The following TTC7A variants were observed in gnomAD, a reference collection of about 807,000 sequenced individuals.
TTC7A encodes the protein tetratricopeptide repeat domain 7A.
Under a neutral mutation model 103.7 loss-of-function variants are expected in TTC7A, and 110 were observed. That is an observed-to-expected ratio of 1.06 (90% CI 0.91 to 1.24). TTC7A has a LOEUF of 1.24. TTC7A is among the 50% of genes most tolerant of loss of function. The probability of loss-of-function intolerance (pLI) is 0.00; values close to 1 mark genes in which losing one functional copy is unlikely to be tolerated. For missense variants in TTC7A, 1,340 were observed against 1,116.3 expected (o/e 1.20, Z -2.86); for synonymous variants, 521 against 467.9 (o/e 1.11, Z -1.47).
At chr2:46,960,545 C>G (rs116497958) in intron 3 of TTC7A, among the ~76,000 whole-genome samples, 1 of 150,796 alleles carries the variant, frequency 6.6e-6, no homozygotes, top group African/African-American at 2.4e-5. Flanking sequence ...TTGCAGGGGC[C>G]CTCCCCAAAC....
upstream of TTC7A, among the ~76,000 whole-genome samples, chr2:46,940,915 A>G (rs1670276275): frequency 6.6e-6 from 1 of 152,026 alleles, no homozygotes; most frequent in Non-Finnish European, 1.5e-5. This position sits in a 1 kb window ranked among gnomAD's most constrained non-coding sequence, Gnocchi z 4.7. Context: ...CACCACACAA[A>G]GCCAGGTCGT....
At chr2:46,960,555 C>T (rs920204932) in intron 3 of TTC7A, among the ~76,000 whole-genome samples, 18 of 152,214 alleles carry the variant, frequency 1.2e-4, no homozygotes, top group African/African-American at 4.1e-4. Context: ...CCTCCCCAAA[C>T]TCACTGAATC....
Position 46,995,204 on chromosome 2 carries a change from G to A in TTC7A, c.1065+5G>A, listed in dbSNP as rs1336730856. ...CTCCTCATCAGCGAATCCATGGTAA[G>A]CTCCAGGATGTCCTTCAGGGGCCTC... is the stretch of plus-strand genomic sequence containing the variant. On this transcript the variant is annotated splice_donor_5th_base_variant and intron_variant, in intron 8 of 19. Coordinates refer to ENST00000319190, the MANE Select transcript of TTC7A (RefSeq NM_020458.4). 1.9e-6 allele frequency: 3 copies of A among 1,613,832 alleles called. No homozygotes were observed. The highest frequency in any genetic ancestry group is 1.7e-6 in the Non-Finnish European group (2 of 1,179,926).
intron 8 of TTC7A, among the ~76,000 whole-genome samples, chr2:47,002,785 C>G (rs1040891355): frequency 6.6e-5 from 10 of 152,120 alleles, no homozygotes; most frequent in African/African-American, 2.4e-4. Flanking sequence ...CACACAGGCA[C>G]TGCCCAGCAA....
intron 11 of TTC7A, among the ~76,000 whole-genome samples, chr2:47,014,772 G>A (rs1249912086): frequency 3.9e-5 from 6 of 152,242 alleles, no homozygotes; most frequent in African/African-American, 1.4e-4. Context: ...GGTCAATTTG[G>A]CCTGGGTTGC....
At chr2:47,017,196 G>A (rs1356240247) in intron 11 of TTC7A, among the ~76,000 whole-genome samples, 14 of 71,902 alleles carry the variant, frequency 1.9e-4, no homozygotes, top group Admixed American at 1.0e-3. Flanking sequence ...GCGACACTCT[G>A]TCTCAAAAAA....
At chr2:46,991,628 A>G (rs762479004) in intron 5 of TTC7A, among the ~76,000 whole-genome samples, 30 of 152,238 alleles carry the variant, frequency 2.0e-4, no homozygotes, top group Non-Finnish European at 4.1e-4. Context: ...GAAGGAAGAT[A>G]TAAGGAAAAG....
chr2:46,956,793 A>G (rs1285487569), intron 2 of TTC7A, 46 bp from the exon 3 acceptor site: 3 of 1,609,958 alleles, frequency 1.9e-6, no homozygotes, highest in Admixed American at 3.3e-5. Context: ...GTTCACCCCA[A>G]GGTAACTTTG....
At chr2:46,986,084 G>A (rs1572819656) in intron 5 of TTC7A, among the ~76,000 whole-genome samples, 2 of 152,326 alleles carry the variant, frequency 1.3e-5, no homozygotes, top group East Asian at 1.9e-4. Context: ...GTTGCCCCCA[G>A]TGGAGAACCG....
In TTC7A at chr2:47,006,656, A is replaced by G. The variant is rs774081996; in HGVS notation, c.1219A>G (p.Met407Val). ...VMLSECLERA[M>V]KFAFGEFHLW... ...CCCTCCCCAGTGCCTGGAGCGAGCCATGAAGTTTGCGTTTGGAGAATTTCA... is the reference window on the plus strand; with the variant it reads ...CCCTCCCCAGTGCCTGGAGCGAGCCGTGAAGTTTGCGTTTGGAGAATTTCA... The change falls in exon 10 of 20, where the codon ATG becomes GTG. Residue 407 changes from methionine to valine, a missense_variant. Coordinates refer to ENST00000319190, the MANE Select transcript of TTC7A (RefSeq NM_020458.4). The G allele has an allele frequency of 7.4e-6, 12 of 1,614,014 alleles. No homozygotes were observed. Among genetic ancestry groups the G allele is most frequent in the Admixed American group, 1.7e-5 (1 of 60,016 alleles).
intron 15 of TTC7A, among the ~76,000 whole-genome samples, chr2:47,041,672 G>C (rs1201171092): frequency 6.6e-6 from 1 of 151,034 alleles, no homozygotes; most frequent in Non-Finnish European, 1.5e-5. Flanking sequence ...AGAATTGCTT[G>C]AACCCAGGAG....
intron 2 of TTC7A, among the ~76,000 whole-genome samples, chr2:46,918,380 G>A (rs1203656437): frequency 8.5e-5 from 13 of 152,294 alleles, no homozygotes; most frequent in Admixed American, 7.8e-4. Context: ...ATCTAGTCCA[G>A]TAGTAGATGA....
At chr2:46,979,999 C>A (rs1674278251) in intron 5 of TTC7A, among the ~76,000 whole-genome samples, 1 of 152,200 alleles carries the variant, frequency 6.6e-6, no homozygotes, top group Non-Finnish European at 1.5e-5. Flanking sequence ...CCTCCTCACA[C>A]ACAAGGAAAC....
rs1205469071 is a variant in TTC7A, at chr2:46,983,910, A to T, written c.764+5003A>T. Among the ~76,000 whole-genome samples, 12 of 152,190 alleles carry T rather than the reference A, an allele frequency of 7.9e-5. 1 individual carries two copies. Among genetic ancestry groups the T allele is most frequent in the South Asian group, 4.1e-4 (2 of 4,830 alleles). Reference sequence around the variant, plus strand: ...CCAGAGGAGCTGTTCTTATCTATGAAAGCTTCCTGGAGTGGATTTCGTGGG... The same window carrying T: ...CCAGAGGAGCTGTTCTTATCTATGATAGCTTCCTGGAGTGGATTTCGTGGG... On this transcript the variant is annotated intron_variant, in intron 5 of 19. Coordinates refer to ENST00000319190, the MANE Select transcript of TTC7A (RefSeq NM_020458.4).
In TTC7A at chr2:46,956,864, T is replaced by C. The variant is rs367845612; in HGVS notation, c.374T>C (p.Leu125Pro). The change falls in exon 3 of 20, where the codon CTG becomes CCG. Residue 125 changes from leucine (L) to proline (P), a missense_variant. Transcript: ENST00000319190. ...CCACAGTACATGTGTGAGGCCATGC[T>C]GATCCTGGGCAAACTGCATTACGTG... ...LSPQYMCEAMLILGKLHYVEG... is the reference protein window; with the variant it reads ...LSPQYMCEAMPILGKLHYVEG... The C allele has an allele frequency of 5.6e-6, 9 of 1,614,122 alleles. No homozygotes were observed. Among genetic ancestry groups the C allele is most frequent in the Non-Finnish European group, 6.8e-6 (8 of 1,180,052 alleles).
At chr2:47,044,267 A>C (rs1391068179) in intron 15 of TTC7A, among the ~76,000 whole-genome samples, 4 of 152,208 alleles carry the variant, frequency 2.6e-5, no homozygotes, top group Non-Finnish European at 5.9e-5. Flanking sequence ...TGATCCAAAA[A>C]TTCAGCCCTT....
chr2:47,039,322 C>T (rs928345160), intron 15 of TTC7A, among the ~76,000 whole-genome samples: 2 of 152,168 alleles, frequency 1.3e-5, no homozygotes, highest in African/African-American at 4.8e-5. Context: ...AAATGTGCAC[C>T]CGACGTGCTT....
intron 18 of TTC7A, among the ~76,000 whole-genome samples, chr2:47,055,748 T>C (rs879411730): frequency 2.0e-5 from 3 of 152,164 alleles, no homozygotes; most frequent in Non-Finnish European, 2.9e-5. Flanking sequence ...GCCAGACTCC[T>C]GTGGTCTGGT....
At chr2:46,922,871 A>G (rs898330154) in intron 2 of TTC7A, among the ~76,000 whole-genome samples, 1 of 152,222 alleles carries the variant, frequency 6.6e-6, no homozygotes, top group Non-Finnish European at 1.5e-5. Flanking sequence ...TTGAGGGTTC[A>G]GTTTTACAAA....
Sources: allele counts gnomAD v4.1 joint callset (sites outside exome capture counted in the v4.1 genomes callset), GRCh38; gene constraint gnomAD v4.1.1; non-coding constraint Gnocchi (gnomAD v3.1); transcripts MANE v1.5; gene names NCBI Gene and HGNC (gene_info 2026-07-23, HGNC 2026-07-21).